Variants in CNTNAP3 observed in about 807,000 individuals in gnomAD.
CNTNAP3 encodes contactin associated protein family member 3.
A neutral mutation model predicts 92.1 loss-of-function variants in CNTNAP3; 36 were observed. The observed-to-expected ratio is 0.39, with a 90% CI of 0.30 to 0.52. The LOEUF is 0.52. Among genes scored for constraint, CNTNAP3 ranks in the 20% least tolerant of loss-of-function variants. CNTNAP3 has a pLI of 0.76. For synonymous variants in CNTNAP3, 232 were observed against 422.3 expected (o/e 0.55, Z 5.53); for missense variants, 534 against 1,069.6 (o/e 0.50, Z 6.98).
At chr9:39,094,537 AGG>A (rs1391880371) in intron 18 of CNTNAP3, among the ~76,000 whole-genome samples, 12 of 150,944 alleles carry the variant, frequency 7.9e-5, no homozygotes, top group African/African-American at 2.9e-4. Context: ...AATTTTGGTA[AGG>A]GTCTAACTTC....
intron 23 of CNTNAP3, among the ~76,000 whole-genome samples, chr9:39,075,541 G>A (rs1825738584): frequency 6.6e-6 from 1 of 152,290 alleles, no homozygotes; most frequent in Non-Finnish European, 1.5e-5. Flanking sequence ...GCCAATGGAG[G>A]AAGAGCTCTC....
chr9:39,102,360 C>T (rs1012794294), intron 17 of CNTNAP3, 137 bp downstream of exon 17: 3 of 1,428,234 alleles, frequency 2.1e-6, no homozygotes, highest in Non-Finnish European at 1.9e-6. Context: ...CTGGAACCTA[C>T]CAGGTTATCA....
intron 23 of CNTNAP3, among the ~76,000 whole-genome samples, chr9:39,076,256 A>G (rs1032724208): frequency 1.3e-5 from 2 of 152,298 alleles, no homozygotes; most frequent in African/African-American, 4.8e-5. Context: ...TAACCCTGAC[A>G]TTGTGTAAAC....
intron 21 of CNTNAP3, among the ~76,000 whole-genome samples, chr9:39,079,634 T>C (rs1315116213): frequency 6.8e-6 from 1 of 147,430 alleles, no homozygotes; most frequent in Non-Finnish European, 1.5e-5. Context: ...CCACTATATC[T>C]GATTTTATTT....
At chr9:39,116,066 C>T (rs1471015773) in intron 14 of CNTNAP3, among the ~76,000 whole-genome samples, 1 of 151,812 alleles carries the variant, frequency 6.6e-6, no homozygotes, top group Non-Finnish European at 1.5e-5. Context: ...GCAGGAGAAT[C>T]GCTTGAATCC....
chr9:39,091,731 A>C (rs1476434395), intron 18 of CNTNAP3, among the ~76,000 whole-genome samples: 1 of 151,794 alleles, frequency 6.6e-6, no homozygotes, highest in East Asian at 1.9e-4. Flanking sequence ...TAAGTTGGAA[A>C]ATGCTCCTTT....
intron 13 of CNTNAP3, among the ~76,000 whole-genome samples, 199 bp downstream of exon 13, chr9:39,132,733 C>CA (rs1487602629): frequency 2.6e-5 from 4 of 152,178 alleles, no homozygotes; most frequent in Admixed American, 2.6e-4. Flanking sequence ...ACGCGCTGAA[C>CA]GTCTCTCAAC....
chr9:39,113,986 A>C (rs1462855721), intron 14 of CNTNAP3, among the ~76,000 whole-genome samples: 1 of 151,232 alleles, frequency 6.6e-6, no homozygotes, highest in Non-Finnish European at 1.5e-5. Flanking sequence ...ACACACACAT[A>C]TATATACACA....
intron 14 of CNTNAP3, among the ~76,000 whole-genome samples, chr9:39,114,187 A>T (rs1820793849): frequency 6.8e-6 from 1 of 147,544 alleles, no homozygotes; most frequent in African/African-American, 2.5e-5. Flanking sequence ...GCTTCACGCC[A>T]TTCTCCTGCC....
At chr9:39,225,730 A>C (rs9775469) in intron 3 of CNTNAP3, among the ~76,000 whole-genome samples, 1 of 54,948 alleles carries the variant, frequency 1.8e-5, no homozygotes, top group African/African-American at 3.2e-5. Flanking sequence ...TGCCTTCCTG[A>C]CTGCCTTTTT....
At chr9:39,098,562 T>C (rs1486269166) in intron 18 of CNTNAP3, among the ~76,000 whole-genome samples, 2 of 152,090 alleles carry the variant, frequency 1.3e-5, no homozygotes, top group Admixed American at 1.3e-4. Context: ...ACTTAGCAAA[T>C]GTGGATTGGG....
Position 39,084,714 on chromosome 9 carries a change from C to T in CNTNAP3, c.3442+1022G>A, listed in dbSNP as rs184735141. Among the ~76,000 whole-genome samples, 772 of 152,182 alleles carry T rather than the reference C, an allele frequency of 5.1e-3. 7 individuals are homozygous for T. Among genetic ancestry groups the T allele is most frequent in the African/African-American group, 9.0e-3 (372 of 41,532 alleles). Reference sequence around the variant, plus strand: ...TAAAATTGTAGTTTTGGTATAATTACTAAATGATGTGAGAGTGGCAAAAAA... The same window carrying T: ...TAAAATTGTAGTTTTGGTATAATTATTAAATGATGTGAGAGTGGCAAAAAA... On this transcript the variant is annotated intron_variant, in intron 21 of 23. Transcript: ENST00000297668.
chr9:39,077,594 A>AC lies in CNTNAP3; in HGVS notation c.3745+790_3745+791insG, dbSNP rs58007553. ...AACAAACAAACAAACAAACAAACAA[A>AC]AAACTTCTTAAATAAGTGAAACACT... On this transcript the variant is annotated intron_variant, in intron 23 of 23. Coordinates refer to ENST00000297668, the MANE Select transcript of CNTNAP3 (RefSeq NM_033655.5). Among the ~76,000 whole-genome samples, 19 of 147,382 alleles carry AC rather than the reference A, an allele frequency of 1.3e-4. 1 individual carries two copies. Among genetic ancestry groups the AC allele is most frequent in the Admixed American group, 7.4e-4 (11 of 14,872 alleles).
At position 39,133,110 on chromosome 9, in the gene CNTNAP3, C is replaced by T; in HGVS notation, c.1902G>A (p.Gln634=). ...MTADAAWTVV[Q]HGGPDAVTLR... ...GGGTCACCGCGTCGGGGCCACCGTG[C>T]TGCACCACCGTCCACGCGGCGTCTG... The change falls in exon 13 of 24, where the codon CAG becomes CAA. Residue 634 remains glutamine, a synonymous_variant. Transcript: ENST00000297668. 6 of 1,574,218 alleles carry T rather than the reference C, an allele frequency of 3.8e-6. No individual in the cohort carries two copies. Among genetic ancestry groups the T allele is most frequent in the Non-Finnish European group, 5.1e-6 (6 of 1,165,804 alleles).
rs1429227633 is a variant in CNTNAP3 at position 39,159,671 on chromosome 9, G to GATAGATAT, written c.1477+6261_1477+6262insATATCTAT. On this transcript the variant is annotated intron_variant, in intron 9 of 23. Coordinates refer to ENST00000297668, the MANE Select transcript of CNTNAP3 (RefSeq NM_033655.5). ...AGATAGATAGATAGATAGATAGATA[G>GATAGATAT]ATATATGTAATCTTTTTCAGTATAT... The GATAGATAT allele has an allele frequency of 2.9e-5, 4 of 139,520 alleles. 1 individual carries two copies. The highest frequency in any genetic ancestry group is 1.2e-4 in the African/African-American group (4 of 33,678). The allele number at this position is 139,520 out of a possible 1,614,324, so 8.6% of individuals were successfully genotyped here.
chr9:39,117,858 C>T, intron 14 of CNTNAP3: 1 of 744,002 alleles, frequency 1.3e-6, no homozygotes, highest in East Asian at 3.6e-5. Flanking sequence ...GAAAACTTAA[C>T]AGCTGTTTCT....
At chr9:39,116,388 G>A (rs1399695136) in intron 14 of CNTNAP3, among the ~76,000 whole-genome samples, 5 of 151,556 alleles carry the variant, frequency 3.3e-5, no homozygotes, top group African/African-American at 1.2e-4. Context: ...AAAACCTCTA[G>A]GATTGTTAAA....
intron 15 of CNTNAP3, among the ~76,000 whole-genome samples, chr9:39,108,935 AAGTT>A (rs1826673472): frequency 6.6e-6 from 1 of 152,164 alleles, no homozygotes. Flanking sequence ...AGCAAGTAAT[AAGTT>A]AAAACAAAGA....
chr9:39,075,656 G>A (rs1379102206), intron 23 of CNTNAP3, among the ~76,000 whole-genome samples: 2 of 152,248 alleles, frequency 1.3e-5, no homozygotes, highest in African/African-American at 2.4e-5. Flanking sequence ...ACAAACACAC[G>A]TATTCCACTA....
Sources: allele counts gnomAD v4.1 joint callset (sites outside exome capture counted in the v4.1 genomes callset), GRCh38; gene constraint gnomAD v4.1.1; transcripts MANE v1.5; gene names NCBI Gene and HGNC (gene_info 2026-07-23, HGNC 2026-07-21).